NCOA2: variants seen among roughly 807,000 people sequenced by gnomAD.
The protein encoded by NCOA2 is nuclear receptor coactivator 2, also known as class E basic helix-loop-helix protein 75.
NCOA2 carries 21 observed loss-of-function variants against 145.1 expected under a neutral mutation model. That is an observed-to-expected ratio of 0.14 (90% CI 0.10 to 0.21). NCOA2 has a LOEUF of 0.21. Among genes scored for constraint, NCOA2 ranks in the 10% least tolerant of loss-of-function variants. The pLI is 1.00. For synonymous variants in NCOA2, 619 were observed against 637.5 expected, an observed-to-expected ratio of 0.97 and a Z score of 0.44; for missense variants, 1,472 against 1,837.6, an observed-to-expected ratio of 0.80 and a Z score of 3.64.
chr8:70,402,612 AGG>A (rs1814411087), intron 1 of NCOA2: 1 of 150,478 alleles, frequency 6.6e-6, no homozygotes, highest in Admixed American at 6.6e-5. Context: ...GGGGCCCGAG[AGG>A]GCCGGGTCCC....
At chr8:70,114,474 T>C (rs567900719) in intron 22 of NCOA2, among the ~76,000 whole-genome samples, 1 of 152,364 alleles carries the variant, frequency 6.6e-6, no homozygotes, top group African/African-American at 2.4e-5. Context: ...CTACCGACTA[T>C]CTTCCTTCCA....
In NCOA2 at chr8:70,113,543, G is replaced by A; in HGVS notation, c.*89C>T. The A allele has an allele frequency of 6.8e-7, 1 of 1,466,062 alleles. No individual in the cohort carries two copies. Among genetic ancestry groups the A allele is most frequent in the Non-Finnish European group, 9.3e-7 (1 of 1,070,214 alleles). 90.8% of individuals were successfully genotyped at this position (1,466,062 alleles called of 1,614,324 possible). A position where few individuals can be genotyped will look rare whatever the true frequency, so the allele number is the denominator to read the frequency against. ...CAGAACCGGCTGGCAGGTCAGTTGG[G>A]TTGAAACAAATAGACACAGCTCTCC... On this transcript the variant is annotated 3_prime_UTR_variant, in exon 23 of 23. Coordinates refer to ENST00000452400, the MANE Select transcript of NCOA2 (RefSeq NM_006540.4).
intron 4 of NCOA2, among the ~76,000 whole-genome samples, chr8:70,181,275 A>G (rs1815447139): frequency 6.6e-6 from 1 of 152,190 alleles, no homozygotes; most frequent in Non-Finnish European, 1.5e-5. Context: ...ATGCTATTAA[A>G]TGTCTCCCAT....
Position 70,336,632 on chromosome 8 carries a change from G to C in NCOA2, c.-76-39832C>G, listed in dbSNP as rs1409184054. ...AGAGAGGGAGAGAGAAAGAGAGAGAGAAAACGGAGGAAATGCCACAAAACA... is the reference window on the plus strand; with the variant it reads ...AGAGAGGGAGAGAGAAAGAGAGAGACAAAACGGAGGAAATGCCACAAAACA... On this transcript the variant is annotated intron_variant, in intron 1 of 22. Coordinates refer to ENST00000452400, the MANE Select transcript of NCOA2 (RefSeq NM_006540.4). Among the ~76,000 whole-genome samples, 3 of 152,026 alleles carry C rather than the reference G, an allele frequency of 2.0e-5. No homozygotes were observed. The South Asian group carries it at 6.2e-4, about 32-fold the overall frequency.
At chr8:70,364,962 C>T (rs1453911861) in intron 1 of NCOA2, among the ~76,000 whole-genome samples, 1 of 151,834 alleles carries the variant, frequency 6.6e-6, no homozygotes, top group African/African-American at 2.4e-5. Context: ...ATTACAATGG[C>T]CGAGTGATGT....
chr8:70,380,783 G>GA (rs976784472), intron 1 of NCOA2, among the ~76,000 whole-genome samples: 7 of 149,192 alleles, frequency 4.7e-5, no homozygotes, highest in African/African-American at 1.2e-4. Context: ...CTTTAAAAAA[G>GA]AAAAAAAAAG....
intron 1 of NCOA2, among the ~76,000 whole-genome samples, chr8:70,351,633 G>A (rs1304373219): frequency 6.8e-6 from 1 of 148,036 alleles, no homozygotes; most frequent in African/African-American, 2.5e-5. Flanking sequence ...TGTCACCCAG[G>A]CTGAAGTACA....
intron 21 of NCOA2, among the ~76,000 whole-genome samples, chr8:70,122,242 T>G (rs1807905464): frequency 6.6e-6 from 1 of 152,088 alleles, no homozygotes; most frequent in Non-Finnish European, 1.5e-5. Flanking sequence ...TAGATATCTC[T>G]CTATAAACAC....
chr8:70,447,770 G>A, the NCOA2 span, among the ~76,000 whole-genome samples: 1 of 141,948 alleles, frequency 7.0e-6, no homozygotes, highest in Non-Finnish European at 1.5e-5. Flanking sequence ...CTGCAGCCTC[G>A]ACCTCCCAGG....
intron 1 of NCOA2, among the ~76,000 whole-genome samples, chr8:70,344,664 G>A (rs749892525): frequency 1.3e-5 from 2 of 152,090 alleles, no homozygotes; most frequent in Non-Finnish European, 2.9e-5. Context: ...GGCTTCTCTG[G>A]ACTAGGGCAG....
intron 12 of NCOA2, 114 bp downstream of exon 12, chr8:70,148,159 G>T: frequency 1.0e-6 from 1 of 996,144 alleles, no homozygotes; most frequent in Non-Finnish European, 1.6e-6. Flanking sequence ...GGTGCTATTT[G>T]ATCACAAAAA....
the NCOA2 span, among the ~76,000 whole-genome samples, chr8:70,433,421 A>G: frequency 1.3e-5 from 2 of 151,970 alleles, no homozygotes; most frequent in Admixed American, 1.3e-4. Flanking sequence ...TTTCCATTCT[A>G]TATGTCAAAG....
chr8:70,293,393 T>A (rs182516598), intron 2 of NCOA2, among the ~76,000 whole-genome samples: 35 of 152,338 alleles, frequency 2.3e-4, no homozygotes, highest in African/African-American at 7.2e-4. Context: ...ATATCCAATA[T>A]GGTCAAAGTT....
intron 15 of NCOA2, among the ~76,000 whole-genome samples, chr8:70,134,262 G>A (rs1301349390): frequency 2.0e-5 from 3 of 152,180 alleles, no homozygotes; most frequent in Non-Finnish European, 2.9e-5. Context: ...GAAACCACTG[G>A]ACTGTCTGCC....
intron 1 of NCOA2, among the ~76,000 whole-genome samples, chr8:70,392,952 G>C (rs767372602): frequency 2.0e-5 from 3 of 152,174 alleles, no homozygotes; most frequent in Non-Finnish European, 1.5e-5. Flanking sequence ...AGAAAATGTG[G>C]GATTAAGCTC....
At chr8:70,131,728 A>G in intron 16 of NCOA2, 109 bp downstream of exon 16, 23 of 1,196,692 alleles carry the variant, frequency 1.9e-5, no homozygotes, top group Non-Finnish European at 2.5e-5. Flanking sequence ...AAAAAAAACA[A>G]CAACAATATA....
At chr8:70,371,217 A>C (rs1400518360) in intron 1 of NCOA2, among the ~76,000 whole-genome samples, 1 of 152,154 alleles carries the variant, frequency 6.6e-6, no homozygotes, top group Non-Finnish European at 1.5e-5. Flanking sequence ...TAAACCCAGG[A>C]GGTGGAGCTT....
At chr8:70,284,320 A>G (rs1043881414) in intron 2 of NCOA2, among the ~76,000 whole-genome samples, 18 of 152,190 alleles carry the variant, frequency 1.2e-4, no homozygotes, top group African/African-American at 4.3e-4. Context: ...TTCTCCCTCT[A>G]AAAGGAGGCC....
intron 1 of NCOA2, among the ~76,000 whole-genome samples, chr8:70,360,102 A>G (rs1285154035): frequency 1.3e-5 from 2 of 152,220 alleles, no homozygotes; most frequent in Admixed American, 1.3e-4. Flanking sequence ...TATTTATAGA[A>G]GCCCACACTA....
Sources: gnomAD v4.1 joint callset for allele counts (sites outside exome capture counted in the v4.1 genomes callset) on GRCh38, gnomAD v4.1.1 for gene constraint, MANE v1.5 for transcripts, NCBI Gene and HGNC (gene_info 2026-07-23, HGNC 2026-07-21) for gene names.